The following CSMD1 variants were observed in gnomAD, a reference collection of about 807,000 sequenced individuals.
CSMD1 encodes the protein CUB and sushi domain-containing protein 1.
Under a neutral mutation model 417.5 loss-of-function variants are expected in CSMD1, and 213 were observed. That is an observed-to-expected ratio of 0.51 (90% CI 0.46 to 0.57). CSMD1 has a LOEUF of 0.57. CSMD1 is among the 20% of genes least tolerant of loss of function. The pLI, the probability that CSMD1 is intolerant of heterozygous loss-of-function variation, is 0.00. For missense variants in CSMD1, 6,923 were observed against 4,529.7 expected (o/e 1.53, Z -15.17); for synonymous variants, 2,862 against 1,736.8 (o/e 1.65, Z -16.11).
In CSMD1 at chr8:4,055,446, G is replaced by C. The variant is rs866374484; in HGVS notation, c.416-23347C>G. On this transcript the variant is annotated intron_variant, in intron 3 of 69. Transcript: ENST00000635120. ...CATTCCAAAATCAGATCAGCATTTT[G>C]AAGAGAAAAATTTAATAAATTATAT... 2.9e-4 allele frequency among the ~76,000 whole-genome samples: 44 copies of C among 151,768 alleles called. No homozygotes were observed. In the Middle Eastern group the frequency reaches 0.01, roughly 35 times the overall value.
At chr8:3,953,215 T>TA (rs1811705281) in intron 5 of CSMD1, among the ~76,000 whole-genome samples, 1 of 152,146 alleles carries the variant, frequency 6.6e-6, no homozygotes, top group Admixed American at 6.5e-5. Flanking sequence ...ATTATAGGAT[T>TA]AAAATCAAGA....
At chr8:4,117,401 C>T (rs1341392329) in intron 3 of CSMD1, among the ~76,000 whole-genome samples, 4 of 151,174 alleles carry the variant, frequency 2.6e-5, no homozygotes, top group Admixed American at 6.9e-5. Flanking sequence ...CCAAGCTGAA[C>T]CTCTGCCTGC....
intron 5 of CSMD1, among the ~76,000 whole-genome samples, chr8:3,834,679 G>A (rs971318764): frequency 6.6e-6 from 1 of 152,096 alleles, no homozygotes; most frequent in East Asian, 1.9e-4. Flanking sequence ...GGGATCCACA[G>A]AACGTGTAGT....
intron 3 of CSMD1, among the ~76,000 whole-genome samples, chr8:4,078,857 G>A (rs1044857504): frequency 1.4e-5 from 2 of 142,204 alleles, no homozygotes; most frequent in East Asian, 2.0e-4. Context: ...CCAACGTAGT[G>A]AAAACCTGTC....
intron 11 of CSMD1, among the ~76,000 whole-genome samples, chr8:3,487,285 T>G (rs189848863): frequency 1.3e-5 from 2 of 152,272 alleles, no homozygotes; most frequent in Admixed American, 1.3e-4. Flanking sequence ...CTCTGCAAGC[T>G]CCACCTCCTG....
At chr8:3,694,348 C>T (rs1800430469) in intron 7 of CSMD1, among the ~76,000 whole-genome samples, 1 of 152,110 alleles carries the variant, frequency 6.6e-6, no homozygotes, top group African/African-American at 2.4e-5. Flanking sequence ...ACAGGGGTCA[C>T]TCAGGCTGAG....
chr8:4,427,049 C>G (rs1247619263), intron 2 of CSMD1, among the ~76,000 whole-genome samples: 2 of 151,934 alleles, frequency 1.3e-5, no homozygotes, highest in Admixed American at 1.3e-4. Flanking sequence ...GTAGACGGAA[C>G]AGCCCCAGAG....
chr8:3,174,412 T>C (rs1356412924), intron 37 of CSMD1, among the ~76,000 whole-genome samples: 2 of 152,138 alleles, frequency 1.3e-5, no homozygotes, highest in East Asian at 3.9e-4. Flanking sequence ...GGAGGATTGC[T>C]TGAACCCAAG....
Position 4,965,358 on chromosome 8 carries a change from G to A in CSMD1, c.85+28974C>T, listed in dbSNP as rs138252622. On this transcript the variant is annotated intron_variant, in intron 1 of 69. Transcript: ENST00000635120. ...TCAAAGTCAAACCTGTTTATTTAAA[G>A]CAGGTGTACACAAGGTCCCCCTATC... is the stretch of plus-strand genomic sequence containing the variant. Among the ~76,000 whole-genome samples, 12 of 152,290 alleles carry A rather than the reference G, an allele frequency of 7.9e-5. No individual in the cohort carries two copies. In the South Asian group the frequency reaches 1.2e-3, roughly 16 times the overall value.
chr8:3,133,202 C>G (rs528673705), intron 41 of CSMD1, among the ~76,000 whole-genome samples: 59 of 151,942 alleles, frequency 3.9e-4, no homozygotes, highest in African/African-American at 1.4e-3. Flanking sequence ...TGCTGCTGTC[C>G]TCCTGGGCCT....
intron 3 of CSMD1, among the ~76,000 whole-genome samples, chr8:4,157,252 T>G (rs1796885159): frequency 6.6e-6 from 1 of 152,220 alleles, no homozygotes; most frequent in South Asian, 2.1e-4. Context: ...AGGGCCCGTT[T>G]GTCTACATCC....
At chr8:4,867,238 G>A (rs1024386507) in intron 1 of CSMD1, among the ~76,000 whole-genome samples, 2 of 151,918 alleles carry the variant, frequency 1.3e-5, no homozygotes, top group Admixed American at 1.3e-4. Context: ...GGAGTGTTTG[G>A]GGGTTGTTAA....
chr8:4,530,038 C>G (rs1297583774), intron 2 of CSMD1, among the ~76,000 whole-genome samples: 1 of 151,996 alleles, frequency 6.6e-6, no homozygotes, highest in Non-Finnish European at 1.5e-5. Flanking sequence ...CCTCAGCCTC[C>G]AGAGTAGCTG....
intron 1 of CSMD1, among the ~76,000 whole-genome samples, chr8:4,756,281 C>A (rs1282972286): frequency 1.3e-5 from 2 of 152,134 alleles, no homozygotes; most frequent in African/African-American, 4.8e-5. Flanking sequence ...ACATTGCCAT[C>A]ATGCAAAATT....
chr8:3,900,839 T>C (rs1807699844), intron 5 of CSMD1, among the ~76,000 whole-genome samples: 1 of 152,226 alleles, frequency 6.6e-6, no homozygotes, highest in Admixed American at 6.5e-5. Flanking sequence ...CTTGCTCTTC[T>C]CATTTCCGAG....
At chr8:2,977,212 T>G in intron 55 of CSMD1, among the ~76,000 whole-genome samples, 1 of 152,174 alleles carries the variant, frequency 6.6e-6, no homozygotes, top group East Asian at 1.9e-4. Flanking sequence ...ATCCATCACC[T>G]AGGTACCAAG....
At chr8:3,516,645 T>C (rs961668874) in intron 10 of CSMD1, among the ~76,000 whole-genome samples, 7 of 152,300 alleles carry the variant, frequency 4.6e-5, no homozygotes, top group South Asian at 4.1e-4. Context: ...ATTTTAATTA[T>C]TGTGTTTTTC....
At chr8:4,023,753 ATTTTTTTTTTTT>A (rs760333220) in intron 4 of CSMD1, among the ~76,000 whole-genome samples, 30 of 50,126 alleles carry the variant, frequency 6.0e-4, no homozygotes, top group East Asian at 4.6e-3. Flanking sequence ...CGCTCGGCTA[ATTTTTTTTTTTT>A]TTTTTTTTTT....
At chr8:4,179,270 G>A (rs893218162) in intron 3 of CSMD1, among the ~76,000 whole-genome samples, 2 of 152,008 alleles carry the variant, frequency 1.3e-5, no homozygotes, top group African/African-American at 4.8e-5. Context: ...CAGAAATAAT[G>A]CCACGTATCT....
Sources: gnomAD v4.1 joint callset for allele counts (sites outside exome capture counted in the v4.1 genomes callset) on GRCh38, gnomAD v4.1.1 for gene constraint, MANE v1.5 for transcripts, NCBI Gene and HGNC (gene_info 2026-07-23, HGNC 2026-07-21) for gene names.